ADGRF5: variants seen among roughly 807,000 people sequenced by gnomAD.
ADGRF5 encodes the protein G-protein coupled receptor 116.
ADGRF5 carries 75 observed loss-of-function variants against 132.3 expected under a neutral mutation model. That is an observed-to-expected ratio of 0.57 (90% CI 0.47 to 0.69). The LOEUF (loss-of-function observed/expected upper bound fraction) is 0.69, where lower values mean the gene tolerates loss of function less well. Among genes scored for constraint, ADGRF5 ranks in the 30% least tolerant of loss-of-function variants. The pLI, the probability that ADGRF5 is intolerant of heterozygous loss-of-function variation, is 0.00. For missense variants in ADGRF5, 1,516 were observed against 1,630.6 expected, an observed-to-expected ratio of 0.93 and a Z score of 1.21; for synonymous variants, 629 against 597.6, an observed-to-expected ratio of 1.05 and a Z score of -0.77.
intron 15 of ADGRF5, 37 bp from the exon 16 acceptor site, chr6:46,860,931 C>A (rs559312414): frequency 1.8e-5 from 27 of 1,537,122 alleles, no homozygotes; most frequent in Non-Finnish European, 2.4e-5. Flanking sequence ...AAAAATTTAC[C>A]AATCAATTCA....
intron 1 of ADGRF5, among the ~76,000 whole-genome samples, chr6:46,946,598 T>A (rs1778310964): frequency 6.6e-6 from 1 of 151,856 alleles, no homozygotes; most frequent in African/African-American, 2.4e-5. Flanking sequence ...AAAGGGCCAA[T>A]AAGAGGTGAG....
chr6:46,879,009 G>A (rs894409675), intron 9 of ADGRF5, among the ~76,000 whole-genome samples: 1 of 152,134 alleles, frequency 6.6e-6, no homozygotes, highest in Non-Finnish European at 1.5e-5. Flanking sequence ...TTTGGTGAGG[G>A]CAGGGAGAAC....
At chr6:46,943,116 T>G (rs947083270) in intron 1 of ADGRF5, among the ~76,000 whole-genome samples, 4 of 151,936 alleles carry the variant, frequency 2.6e-5, no homozygotes, top group African/African-American at 9.7e-5. Flanking sequence ...AAACCTGGAT[T>G]TAGAAATTTA....
Position 46,888,344 on chromosome 6 carries a change from C to T in ADGRF5, c.319G>A (p.Val107Met). ...TGGGTCTCTTACTCACCTGTTGTCA[C>T]ATTTATGCTCAAAATGTCGGTAATT... is the stretch of plus-strand genomic sequence containing the variant. ...DQITDILSIN[V>M]TTVCRPAGNE... The change falls in exon 4 of 21, where the codon GTG (valine) becomes ATG (methionine). Residue 107 changes from valine to methionine, a missense_variant. This residue lies in a region of ADGRF5 where 945 missense variants were observed against 929.4 expected (regional missense o/e 1.02). Transcript: ENST00000283296. The T allele has an allele frequency of 6.2e-7, 1 of 1,608,542 alleles. No homozygotes were observed. Among genetic ancestry groups the T allele is most frequent in the Non-Finnish European group, 8.5e-7 (1 of 1,174,952 alleles).
At chr6:46,934,785 C>T (rs1470558742) in intron 1 of ADGRF5, among the ~76,000 whole-genome samples, 1 of 152,130 alleles carries the variant, frequency 6.6e-6, no homozygotes, top group Non-Finnish European at 1.5e-5. Flanking sequence ...GTGTCAGGAG[C>T]TGCTATATAA....
intron 1 of ADGRF5, among the ~76,000 whole-genome samples, chr6:46,942,834 T>C (rs1252582887): frequency 1.3e-5 from 2 of 152,208 alleles, no homozygotes; most frequent in African/African-American, 4.8e-5. Flanking sequence ...AGATCCCACA[T>C]GCATAACCAT....
intron 1 of ADGRF5, among the ~76,000 whole-genome samples, chr6:46,908,479 T>A (rs1327174767): frequency 6.6e-6 from 1 of 152,094 alleles, no homozygotes; most frequent in East Asian, 1.9e-4. Flanking sequence ...TGAGCCTCCC[T>A]TCGAATCTGA....
At chr6:46,954,174 G>T (rs1363425648) in intron 1 of ADGRF5, among the ~76,000 whole-genome samples, 2 of 151,626 alleles carry the variant, frequency 1.3e-5, no homozygotes, top group Non-Finnish European at 2.9e-5. Flanking sequence ...GAAACCTCGG[G>T]AATAACAACT....
At position 46,860,913 on chromosome 6, in the gene ADGRF5, A is replaced by C; in HGVS notation, c.2200-19T>G. 6.4e-7 allele frequency: 1 copy of C among 1,565,572 alleles called. No individual in the cohort carries two copies. Among genetic ancestry groups the C allele is most frequent in the Non-Finnish European group, 8.7e-7 (1 of 1,152,546 alleles). Reference sequence around the variant, plus strand: ...TCAAAGCCTAGTAAAACAAAAGCCAACACAAAAAAAAATTTACCAATCAAT... The same window carrying C: ...TCAAAGCCTAGTAAAACAAAAGCCACCACAAAAAAAAATTTACCAATCAAT... On this transcript the variant is annotated intron_variant, in intron 15 of 20. Transcript: ENST00000283296.
chr6:46,877,850 C>T (rs777207811), intron 10 of ADGRF5, among the ~76,000 whole-genome samples: 1 of 152,164 alleles, frequency 6.6e-6, no homozygotes, highest in Non-Finnish European at 1.5e-5. Context: ...GACAAATGAC[C>T]TCATCCTTAG....
chr6:46,932,514 A>C (rs1471023418), intron 1 of ADGRF5, among the ~76,000 whole-genome samples: 3 of 152,204 alleles, frequency 2.0e-5, no homozygotes, highest in Non-Finnish European at 2.9e-5. Flanking sequence ...TTCTGTGCAC[A>C]TTAATGCCCC....
intron 1 of ADGRF5, among the ~76,000 whole-genome samples, chr6:46,940,273 A>G (rs1777998318): frequency 6.6e-6 from 1 of 152,350 alleles, no homozygotes. Context: ...TACTTTTCAC[A>G]TCGATCTTTT....
upstream of ADGRF5, among the ~76,000 whole-genome samples, chr6:46,925,975 C>T (rs1353750575): frequency 3.3e-5 from 5 of 152,036 alleles, no homozygotes; most frequent in East Asian, 9.7e-4. Context: ...GACCCAAGGT[C>T]AGCTCTCTTT....
chr6:46,881,906 G>A (rs1289144392), intron 7 of ADGRF5, 143 bp downstream of exon 7: 1 of 736,978 alleles, frequency 1.4e-6, no homozygotes, highest in African/African-American at 1.7e-5. Context: ...CATCTGTAAG[G>A]GGTGAGGTAC....
rs1777867393 is a variant in ADGRF5, at chr6:46,937,013, A to G, written c.-25+17721T>C. Among the ~76,000 whole-genome samples the G allele has an allele frequency of 2.0e-5, 3 of 152,088 alleles. No homozygotes were observed. In the South Asian group the frequency reaches 6.2e-4, roughly 32 times the overall value. On this transcript the variant is annotated intron_variant, in intron 1 of 20. Transcript: ENST00000265417. Reference sequence around the variant, plus strand: ...CACCCTTCTTGACCCTTTTTACTTAATGAGAGGCAACCCATGGCTGCTCAA... The same window carrying G: ...CACCCTTCTTGACCCTTTTTACTTAGTGAGAGGCAACCCATGGCTGCTCAA...
chr6:46,929,696 G>A (rs1025984385), intron 1 of ADGRF5, among the ~76,000 whole-genome samples: 6 of 151,980 alleles, frequency 3.9e-5, no homozygotes, highest in African/African-American at 1.4e-4. Context: ...CTTGTTTAAC[G>A]ATGTTTGGCT....
chr6:46,953,651 G>GTGTATATATATATATATA (rs1373212107), intron 1 of ADGRF5, among the ~76,000 whole-genome samples: 2 of 42,194 alleles, frequency 4.7e-5, no homozygotes, highest in Admixed American at 3.7e-4. Flanking sequence ...AGATATATGT[G>GTGTATATATATATATATA]TATATATATA....
At chr6:46,892,074 G>A (rs530427095) in intron 3 of ADGRF5, among the ~76,000 whole-genome samples, 2 of 151,754 alleles carry the variant, frequency 1.3e-5, no homozygotes. Context: ...TTAGCAGGCT[G>A]TTGGCTTACT....
intron 1 of ADGRF5, among the ~76,000 whole-genome samples, chr6:46,932,944 C>T (rs1029600749): frequency 3.3e-5 from 5 of 152,184 alleles, no homozygotes; most frequent in Admixed American, 2.6e-4. Flanking sequence ...GACTGGCCGA[C>T]GCCAGTGTCT....
Sources: gnomAD v4.1 joint callset for allele counts (sites outside exome capture counted in the v4.1 genomes callset) on GRCh38, gnomAD v4.1.1 for gene constraint, gnomAD v4.1.1 regional missense constraint, MANE v1.5 for transcripts, NCBI Gene and HGNC (gene_info 2026-07-23, HGNC 2026-07-21) for gene names.